KCNB2: variants seen among roughly 807,000 people sequenced by gnomAD.
KCNB2 encodes delayed rectifier potassium channel protein.
Under a neutral mutation model 61.5 loss-of-function variants are expected in KCNB2, and 15 were observed. The observed-to-expected ratio is 0.24, with a 90% CI of 0.16 to 0.38. The LOEUF (loss-of-function observed/expected upper bound fraction) is 0.38, where lower values mean the gene tolerates loss of function less well. Among genes scored for constraint, KCNB2 ranks in the 10% least tolerant of loss-of-function variants. The pLI, the probability that KCNB2 is intolerant of heterozygous loss-of-function variation, is 1.00. For missense variants in KCNB2, 828 were observed against 1,125.2 expected (o/e 0.74, Z 3.78); for synonymous variants, 457 against 446.0 (o/e 1.02, Z -0.31).
At chr8:72,809,757 TC>T (rs1246822870) in intron 2 of KCNB2, among the ~76,000 whole-genome samples, 2 of 152,214 alleles carry the variant, frequency 1.3e-5, no homozygotes, top group African/African-American at 4.8e-5. Context: ...AATCAGACCT[TC>T]CACCTTAAAA....
chr8:72,808,010 C>T (rs1407583651), intron 2 of KCNB2, among the ~76,000 whole-genome samples: 1 of 152,152 alleles, frequency 6.6e-6, no homozygotes, highest in Non-Finnish European at 1.5e-5. Context: ...GAATATCCTA[C>T]CATGACAATC....
intron 2 of KCNB2, among the ~76,000 whole-genome samples, chr8:72,607,175 G>T (rs1805463431): frequency 2.0e-5 from 3 of 152,142 alleles, no homozygotes; most frequent in Non-Finnish European, 4.4e-5. Flanking sequence ...ATGGGCAGTG[G>T]TAATGCTAAA....
At chr8:72,775,339 G>C (rs1808631394) in intron 2 of KCNB2, among the ~76,000 whole-genome samples, 1 of 152,154 alleles carries the variant, frequency 6.6e-6, no homozygotes, top group South Asian at 2.1e-4. Flanking sequence ...AAAATACTGT[G>C]CCTGCAGAGC....
intron 2 of KCNB2, among the ~76,000 whole-genome samples, chr8:72,577,065 A>G (rs753382991): frequency 6.6e-6 from 1 of 152,158 alleles, no homozygotes; most frequent in Non-Finnish European, 1.5e-5. Context: ...GTTTAAGTTA[A>G]CTCCTTAACT....
chr8:72,665,969 C>T (rs1346880620), intron 2 of KCNB2, among the ~76,000 whole-genome samples: 1 of 152,232 alleles, frequency 6.6e-6, no homozygotes, highest in East Asian at 1.9e-4. Flanking sequence ...GAGGAGGGAA[C>T]TGGCTCCCCA....
At chr8:72,713,704 TG>T (rs1343846823) in intron 2 of KCNB2, among the ~76,000 whole-genome samples, 2 of 151,968 alleles carry the variant, frequency 1.3e-5, no homozygotes, top group Non-Finnish European at 2.9e-5. Context: ...ACCGCAAAGA[TG>T]GGGAAAAAAC....
intron 2 of KCNB2, among the ~76,000 whole-genome samples, chr8:72,638,218 G>T (rs1265501791): frequency 6.6e-6 from 1 of 152,100 alleles, no homozygotes; most frequent in Non-Finnish European, 1.5e-5. Context: ...TTTGAAATGG[G>T]TCAGGACCTA....
At chr8:72,896,576 T>C (rs957104225) in intron 2 of KCNB2, among the ~76,000 whole-genome samples, 3 of 152,166 alleles carry the variant, frequency 2.0e-5, no homozygotes, top group African/African-American at 7.2e-5. Flanking sequence ...TGTGTAAATA[T>C]ACAAAGGTTA....
chr8:72,918,400 A>G (rs80068867), intron 2 of KCNB2, among the ~76,000 whole-genome samples: 1 of 152,286 alleles, frequency 6.6e-6, no homozygotes, highest in Non-Finnish European at 1.5e-5. Context: ...TCCTTTATTT[A>G]TGTAGAAAGC....
intron 2 of KCNB2, among the ~76,000 whole-genome samples, chr8:72,813,543 G>T (rs1477207613): frequency 6.6e-6 from 1 of 152,066 alleles, no homozygotes; most frequent in African/African-American, 2.4e-5. Flanking sequence ...GCCGTCAAAG[G>T]TAAACTTTGT....
chr8:72,744,437 T>A (rs190474198), intron 2 of KCNB2, among the ~76,000 whole-genome samples: 1 of 152,314 alleles, frequency 6.6e-6, no homozygotes, highest in Non-Finnish European at 1.5e-5. Context: ...AAGGTAGCTG[T>A]AAAGCCCATG....
intron 2 of KCNB2, among the ~76,000 whole-genome samples, chr8:72,619,545 T>TTA (rs377103619): frequency 0.011 from 1,589 of 151,290 alleles, 19 homozygotes; most frequent in African/African-American, 0.036. Context: ...TTTTTTTTTT[T>TTA]AATCACACAG....
intron 2 of KCNB2, among the ~76,000 whole-genome samples, chr8:72,762,147 T>C (rs1219638268): frequency 6.6e-6 from 1 of 152,198 alleles, no homozygotes; most frequent in Admixed American, 6.5e-5. Flanking sequence ...CATGCAACCA[T>C]GTCACCGAAT....
chr8:72,654,985 A>C (rs942440969), intron 2 of KCNB2, among the ~76,000 whole-genome samples: 1 of 152,144 alleles, frequency 6.6e-6, no homozygotes, highest in Non-Finnish European at 1.5e-5. Context: ...TTCCATAAAG[A>C]CACTTGCACA....
At chr8:72,935,347 G>T (rs1806878659) in intron 2 of KCNB2, among the ~76,000 whole-genome samples, 1 of 152,124 alleles carries the variant, frequency 6.6e-6, no homozygotes, top group Admixed American at 6.5e-5. Flanking sequence ...TTTTCCACAT[G>T]ATGCTGGCCA....
chr8:72,547,710 T>C (rs2128977002), intron 1 of KCNB2, among the ~76,000 whole-genome samples: 1 of 152,322 alleles, frequency 6.6e-6, no homozygotes, highest in East Asian at 1.9e-4. Flanking sequence ...AAGAAAGTGA[T>C]TTCTTCAGAT....
chr8:72,667,526 AG>A (rs1806496967), intron 2 of KCNB2, among the ~76,000 whole-genome samples: 1 of 152,138 alleles, frequency 6.6e-6, no homozygotes, highest in African/African-American at 2.4e-5. Flanking sequence ...CCATCTGCTC[AG>A]TTAGTTAAGA....
chr8:72,645,188 A>G (rs1806110388), intron 2 of KCNB2, among the ~76,000 whole-genome samples: 1 of 152,170 alleles, frequency 6.6e-6, no homozygotes. Flanking sequence ...GCAAAATCCT[A>G]GATCCTATCT....
intron 2 of KCNB2, among the ~76,000 whole-genome samples, chr8:72,884,990 A>T (rs972019771): frequency 6.6e-6 from 1 of 152,198 alleles, no homozygotes; most frequent in East Asian, 1.9e-4. Context: ...ATTTTATTTT[A>T]AAAAGATATC....
Sources: allele counts gnomAD v4.1 joint callset (sites outside exome capture counted in the v4.1 genomes callset), GRCh38; gene constraint gnomAD v4.1.1; transcripts MANE v1.5; gene names NCBI Gene and HGNC (gene_info 2026-07-23, HGNC 2026-07-21).